PKIB: variants seen among roughly 807,000 people sequenced by gnomAD.
PKIB encodes PKI-beta.
PKIB carries 2 observed loss-of-function variants against 4.5 expected under a neutral mutation model. That is an observed-to-expected ratio of 0.44 (90% confidence interval 0.18 to 1.39). The LOEUF (loss-of-function observed/expected upper bound fraction) is 1.39. Among genes scored for constraint, PKIB ranks in the 40% most tolerant of loss-of-function variants. The pLI is 0.27. For synonymous variants in PKIB, 38 were observed against 36.0 expected (o/e 1.06, Z -0.20); for missense variants, 94 against 92.6 (o/e 1.02, Z -0.06).
intron 2 of PKIB, chr6:122,481,836 G>A (rs1656922402): frequency 6.6e-6 from 1 of 152,004 alleles, no homozygotes; most frequent in African/African-American, 2.4e-5. Flanking sequence ...TATTGCTTTG[G>A]CTTCCTATTT....
rs539079368 is a variant in PKIB, at chr6:122,473,004, C to T, written c.-337+963C>T. On this transcript the variant is annotated intron_variant, in intron 1 of 6. Transcript: ENST00000392491. ...GCACGCGCATGTAATCCCAGCTACT[C>T]GGGAGGCGAGGCAGGAGAACTGCTT... is the stretch of plus-strand genomic sequence containing the variant. 5.1e-4 allele frequency among the ~76,000 whole-genome samples: 78 copies of T among 152,064 alleles called. 3 individuals are homozygous for T. The South Asian group carries it at 0.015, about 28-fold the overall frequency.
chr6:122,599,497 T>TC (rs1169357339), intron 3 of PKIB, among the ~76,000 whole-genome samples: 1 of 152,178 alleles, frequency 6.6e-6, no homozygotes, highest in Non-Finnish European at 1.5e-5. Context: ...TTCAGCTTTT[T>TC]CTCTACAGGA....
intron 2 of PKIB, among the ~76,000 whole-genome samples, chr6:122,506,866 AT>A (rs1317455585): frequency 2.8e-4 from 42 of 149,806 alleles, no homozygotes; most frequent in African/African-American, 9.3e-4. Context: ...CGCCCGGCTA[AT>A]TTTTTTTGTA....
intron 2 of PKIB, among the ~76,000 whole-genome samples, chr6:122,566,410 T>G (rs9375150): frequency 0.45 from 68,479 of 151,890 alleles, 15,720 homozygotes; most frequent in East Asian, 0.55. Context: ...CAAGATTTTT[T>G]TAATAACAGG....
In PKIB at chr6:122,633,195, C is replaced by G. The variant is rs1373037730; in HGVS notation, c.-160-88C>G. The stretch of plus-strand genomic sequence containing the variant: ...TGGTCACTAAGTTAGACTTTTTTGT[C>G]TAAGGAACAACTTGTTCTTTTTTGC... On this transcript the variant is annotated intron_variant, in intron 1 of 4. Coordinates refer to ENST00000368452, the MANE Select transcript of PKIB (RefSeq NM_181795.3). 4 of 152,084 alleles carry G rather than the reference C, an allele frequency of 2.6e-5. No individual in the cohort carries two copies. The East Asian group carries it at 7.7e-4, about 29-fold the overall frequency. 9.4% of individuals were successfully genotyped at this position (152,084 alleles called of 1,614,324 possible).
chr6:122,527,712 A>G (rs1380579065), intron 2 of PKIB, among the ~76,000 whole-genome samples: 1 of 152,176 alleles, frequency 6.6e-6, no homozygotes, highest in African/African-American at 2.4e-5. Context: ...TATAATAATA[A>G]TGATGATAAA....
At chr6:122,711,646 A>G (rs1447221760) in intron 3 of PKIB, among the ~76,000 whole-genome samples, 1 of 152,174 alleles carries the variant, frequency 6.6e-6, no homozygotes, top group East Asian at 1.9e-4. Context: ...CAAGGAGGCT[A>G]CATAGTTTAT....
chr6:122,594,084 G>T (rs2114729060), intron 3 of PKIB, among the ~76,000 whole-genome samples: 1 of 152,128 alleles, frequency 6.6e-6, no homozygotes, highest in Non-Finnish European at 1.5e-5. Context: ...ACTATCCTTT[G>T]TACAACCAGA....
intron 2 of PKIB, among the ~76,000 whole-genome samples, chr6:122,660,868 C>T (rs1474107024): frequency 6.6e-6 from 1 of 152,128 alleles, no homozygotes; most frequent in Non-Finnish European, 1.5e-5. Context: ...TACCATTCAT[C>T]TCAAGACCCA....
intron 3 of PKIB, among the ~76,000 whole-genome samples, chr6:122,594,059 G>A (rs1774093241): frequency 6.6e-6 from 1 of 152,050 alleles, no homozygotes; most frequent in South Asian, 2.1e-4. Flanking sequence ...TTGTAATTAT[G>A]CCTAACATAA....
intron 2 of PKIB, among the ~76,000 whole-genome samples, chr6:122,650,369 T>C (rs983406143): frequency 6.6e-6 from 1 of 152,208 alleles, no homozygotes; most frequent in Non-Finnish European, 1.5e-5. Flanking sequence ...ACACTTTTTC[T>C]AAGTGGAGAC....
At chr6:122,703,330 T>C (rs767173250) in intron 3 of PKIB, among the ~76,000 whole-genome samples, 7 of 152,182 alleles carry the variant, frequency 4.6e-5, no homozygotes, top group Non-Finnish European at 7.4e-5. Context: ...AAAATGCTTA[T>C]GTCGTATGTT....
chr6:122,725,043 A>G (rs1002591544), intron 4 of PKIB, 85 bp from the exon 5 acceptor site: 2 of 1,080,784 alleles, frequency 1.9e-6, no homozygotes, highest in African/African-American at 3.2e-5. Flanking sequence ...GACGGTGGAC[A>G]AAGGAAAAAC....
At chr6:122,501,102 C>A (rs185650478) in intron 2 of PKIB, among the ~76,000 whole-genome samples, 2 of 152,114 alleles carry the variant, frequency 1.3e-5, no homozygotes, top group African/African-American at 4.8e-5. Flanking sequence ...CAGCTTCTCC[C>A]ACATCTCATG....
intron 1 of PKIB, among the ~76,000 whole-genome samples, chr6:122,612,936 G>A (rs1448264189): frequency 2.6e-5 from 4 of 152,064 alleles, no homozygotes; most frequent in Non-Finnish European, 5.9e-5. Context: ...TTTCTTACTG[G>A]ATCATATATG....
Position 122,472,104 on chromosome 6 carries a change from G to A in PKIB, c.-337+63G>A, listed in dbSNP as rs896080613. ...CATTTGGGCATTAGTAGAGAACAGA[G>A]CTGAGGTGGTGGTTGACGTTTTGCC... On this transcript the variant is annotated intron_variant, in intron 1 of 6. Transcript: ENST00000392491. The A allele has an allele frequency of 8.7e-6, 2 of 230,516 alleles. 1 individual carries two copies. The highest frequency in any genetic ancestry group is 1.5e-4 in the South Asian group (2 of 13,390). 14.3% of individuals were successfully genotyped at this position (230,516 alleles called of 1,614,324 possible). A position where few individuals can be genotyped will look rare whatever the true frequency, so the allele number is the denominator to read the frequency against.
chr6:122,537,645 G>C (rs1376325595), intron 2 of PKIB, among the ~76,000 whole-genome samples: 1 of 152,164 alleles, frequency 6.6e-6, no homozygotes, highest in African/African-American at 2.4e-5. Context: ...ACATACGTGT[G>C]CATGTGTCTT....
intron 2 of PKIB, among the ~76,000 whole-genome samples, chr6:122,653,632 A>G (rs977202402): frequency 6.9e-6 from 1 of 145,698 alleles, no homozygotes; most frequent in African/African-American, 2.6e-5. Context: ...TGTAACTTGA[A>G]GGGATTATTT....
intron 2 of PKIB, among the ~76,000 whole-genome samples, chr6:122,544,370 A>AGATTT (rs1207089271): frequency 1.3e-5 from 1 of 74,588 alleles, no homozygotes; most frequent in Non-Finnish European, 2.5e-5. Flanking sequence ...AAATATTAAT[A>AGATTT]GATTTTTAAA....
Sources: allele counts gnomAD v4.1 joint callset (sites outside exome capture counted in the v4.1 genomes callset), GRCh38; gene constraint gnomAD v4.1.1; transcripts MANE v1.5; gene names NCBI Gene and HGNC (gene_info 2026-07-23, HGNC 2026-07-21).